The following EFNA5 variants were observed in gnomAD, a reference collection of about 807,000 sequenced individuals.
EFNA5 encodes the protein ephrin A5, also known as ephrin-A5.
Under a neutral mutation model 22.9 loss-of-function variants are expected in EFNA5, and 5 were observed. That is an observed-to-expected ratio of 0.22 (90% CI 0.11 to 0.46). The LOEUF (loss-of-function observed/expected upper bound fraction) is 0.46, where lower values mean the gene tolerates loss of function less well. EFNA5 is among the 20% of genes least tolerant of loss of function. The pLI is 0.99. For synonymous variants in EFNA5, 113 were observed against 112.2 expected, an observed-to-expected ratio of 1.01 and a Z score of -0.04; for missense variants, 237 against 293.3, an observed-to-expected ratio of 0.81 and a Z score of 1.40.
chr5:107,426,913 G>T, intron 2 of EFNA5: 1 of 287,978 alleles, frequency 3.5e-6, no homozygotes, highest in Non-Finnish European at 6.5e-6. Context: ...TTTTTCAGGA[G>T]TCTTTTTTTC....
intron 1 of EFNA5, among the ~76,000 whole-genome samples, chr5:107,593,513 A>G (rs902653988): frequency 1.5e-4 from 23 of 152,170 alleles, no homozygotes; most frequent in African/African-American, 4.8e-4. Context: ...GAGATGTTCA[A>G]ACCTCGAGAG....
At chr5:107,645,715 T>C (rs1352506045) in intron 1 of EFNA5, among the ~76,000 whole-genome samples, 1 of 152,226 alleles carries the variant, frequency 6.6e-6, no homozygotes, top group Admixed American at 6.5e-5. Flanking sequence ...TGTTTAAAAG[T>C]GTTAGGCATG....
chr5:107,667,128 C>T (rs1751093492), intron 1 of EFNA5, among the ~76,000 whole-genome samples: 1 of 151,950 alleles, frequency 6.6e-6, no homozygotes, highest in South Asian at 2.1e-4. Flanking sequence ...AAAACTTATA[C>T]AAGTTTTCAA....
chr5:107,458,723 G>A (rs1239609478), intron 1 of EFNA5, among the ~76,000 whole-genome samples: 1 of 152,232 alleles, frequency 6.6e-6, no homozygotes, highest in Non-Finnish European at 1.5e-5. Context: ...GCATTGAACC[G>A]CTGTCTATCT....
chr5:107,387,432 T>C, intron 3 of EFNA5, 117 bp from the exon 4 acceptor site: 1 of 679,874 alleles, frequency 1.5e-6, no homozygotes. Context: ...TGTCTTACAA[T>C]CAATGGCATG....
chr5:107,569,752 T>A (rs1748755503), intron 1 of EFNA5, among the ~76,000 whole-genome samples: 1 of 144,584 alleles, frequency 6.9e-6, no homozygotes, highest in Non-Finnish European at 1.5e-5. Context: ...CTTGGGAGGC[T>A]GAGGCAGGAG....
At chr5:107,543,676 C>A (rs568438565) in intron 1 of EFNA5, among the ~76,000 whole-genome samples, 2 of 152,060 alleles carry the variant, frequency 1.3e-5, no homozygotes, top group East Asian at 3.9e-4. Flanking sequence ...TGGGCTGCTG[C>A]TCACAAAGTG....
intron 1 of EFNA5, among the ~76,000 whole-genome samples, chr5:107,453,878 C>T (rs1414200790): frequency 2.0e-5 from 3 of 151,980 alleles, no homozygotes; most frequent in South Asian, 2.1e-4. Context: ...CTGATTGTGA[C>T]GGTTTTGATT....
At chr5:107,460,400 T>C (rs1749804220) in intron 1 of EFNA5, among the ~76,000 whole-genome samples, 1 of 152,158 alleles carries the variant, frequency 6.6e-6, no homozygotes, top group South Asian at 2.1e-4. Flanking sequence ...CCATGAACTA[T>C]CCATGAGTGC....
chr5:107,663,837 T>A (rs879500232), intron 1 of EFNA5, among the ~76,000 whole-genome samples: 3 of 152,160 alleles, frequency 2.0e-5, no homozygotes, highest in East Asian at 3.8e-4. Flanking sequence ...AACGTATTTT[T>A]ATTCCTCACT....
At chr5:107,551,215 G>A (rs1179450719) in intron 1 of EFNA5, among the ~76,000 whole-genome samples, 10 of 152,158 alleles carry the variant, frequency 6.6e-5, no homozygotes, top group Non-Finnish European at 1.5e-5. Context: ...ACAGCAGTAG[G>A]TGCAGAGCCA....
chr5:107,509,894 T>C (rs560461359), intron 1 of EFNA5, among the ~76,000 whole-genome samples: 65 of 152,166 alleles, frequency 4.3e-4, no homozygotes, highest in Non-Finnish European at 3.7e-4. Flanking sequence ...TTCATGGAAA[T>C]GATTACGCCA....
At chr5:107,443,632 T>C (rs1176649815) in intron 1 of EFNA5, among the ~76,000 whole-genome samples, 1 of 152,148 alleles carries the variant, frequency 6.6e-6, no homozygotes, top group Non-Finnish European at 1.5e-5. Flanking sequence ...ATGCCACATG[T>C]TCTTACTCAT....
intron 1 of EFNA5, among the ~76,000 whole-genome samples, chr5:107,479,957 G>A (rs1183611262): frequency 2.6e-5 from 4 of 152,028 alleles, no homozygotes; most frequent in Non-Finnish European, 4.4e-5. Context: ...TACAATACTC[G>A]TACTCTCCGA....
At chr5:107,543,402 T>C (rs1411059931) in intron 1 of EFNA5, among the ~76,000 whole-genome samples, 2 of 152,238 alleles carry the variant, frequency 1.3e-5, no homozygotes, top group Non-Finnish European at 2.9e-5. Context: ...GACAATGCTA[T>C]TTTACCCCTA....
chr5:107,566,340 T>G (rs773905589), intron 1 of EFNA5, among the ~76,000 whole-genome samples: 2 of 134,532 alleles, frequency 1.5e-5, no homozygotes, highest in Non-Finnish European at 3.0e-5. Flanking sequence ...GTGGCATTCA[T>G]GTGTCTAATT....
chr5:107,600,258 T>G (rs1254208035), intron 1 of EFNA5, among the ~76,000 whole-genome samples: 1 of 152,098 alleles, frequency 6.6e-6, no homozygotes, highest in Non-Finnish European at 1.5e-5. Flanking sequence ...GATAGAACAG[T>G]GGCACAGAAG....
intron 1 of EFNA5, among the ~76,000 whole-genome samples, chr5:107,488,412 A>T (rs1486591465): frequency 6.6e-6 from 1 of 152,210 alleles, no homozygotes; most frequent in Non-Finnish European, 1.5e-5. Flanking sequence ...TGAAGTAAAG[A>T]AATGATGTGC....
At chr5:107,599,957 T>C (rs1017016393) in intron 1 of EFNA5, among the ~76,000 whole-genome samples, 7 of 152,226 alleles carry the variant, frequency 4.6e-5, no homozygotes, top group South Asian at 2.1e-4. Context: ...TTCAGGACTC[T>C]CCTCAATCTC....
Sources: gnomAD v4.1 joint callset for allele counts (sites outside exome capture counted in the v4.1 genomes callset) on GRCh38, gnomAD v4.1.1 for gene constraint, MANE v1.5 for transcripts, NCBI Gene and HGNC (gene_info 2026-07-23, HGNC 2026-07-21) for gene names.